TNR: variants seen among roughly 807,000 people sequenced by gnomAD.
TNR encodes the protein tenascin R, also known as tenascin-R.
A neutral mutation model predicts 150.4 loss-of-function variants in TNR; 45 were observed. That is an observed-to-expected ratio of 0.30 (90% CI 0.24 to 0.38). The LOEUF (loss-of-function observed/expected upper bound fraction) is 0.38. Ranked by LOEUF, TNR falls within the 10% of genes least tolerant of loss-of-function variation. TNR has a pLI of 1.00. For missense variants in TNR, 1,544 were observed against 1,759.1 expected, an observed-to-expected ratio of 0.88 and a Z score of 2.19; for synonymous variants, 687 against 678.4, an observed-to-expected ratio of 1.01 and a Z score of -0.20.
At chr1:175,561,723 G>A (rs570172351) in intron 1 of TNR, among the ~76,000 whole-genome samples, 164 of 152,352 alleles carry the variant, frequency 1.1e-3, no homozygotes, top group South Asian at 2.1e-3. Context: ...AATGATAGGA[G>A]TGCATCTAAG....
chr1:175,394,481 AT>A (rs973090723), intron 5 of TNR, among the ~76,000 whole-genome samples: 4 of 152,094 alleles, frequency 2.6e-5, no homozygotes, highest in African/African-American at 9.7e-5. Context: ...GATGGTCTGA[AT>A]TTTTCATTTC....
intron 1 of TNR, among the ~76,000 whole-genome samples, chr1:175,547,605 G>GAAAGAAAGAAAGAAAC (rs1660749355): frequency 1.8e-4 from 4 of 21,658 alleles, no homozygotes; most frequent in African/African-American, 3.3e-4. Flanking sequence ...AAGAAAGAAA[G>GAAAGAAAGAAAGAAAC]AAAGAAACAA....
chr1:175,351,975 T>C (rs1263249335), intron 18 of TNR, among the ~76,000 whole-genome samples: 1 of 152,128 alleles, frequency 6.6e-6, no homozygotes. Flanking sequence ...CCTAAATACA[T>C]CCTGATAGTC....
intron 2 of TNR, among the ~76,000 whole-genome samples, chr1:175,459,500 C>A (rs1656721422): frequency 6.6e-6 from 1 of 152,344 alleles, no homozygotes; most frequent in East Asian, 1.9e-4. Flanking sequence ...TGACTCTAAA[C>A]AAACCTATTG....
Position 175,322,948 on chromosome 1 carries a change from G to A in TNR, c.*409C>T, listed in dbSNP as rs1649141799. 6.4e-6 allele frequency: 1 copy of A among 155,354 alleles called. No homozygotes were observed. Among genetic ancestry groups the A allele is most frequent in the Non-Finnish European group, 1.4e-5 (1 of 70,342 alleles). The allele number at this position is 155,354 out of a possible 1,614,324, so 9.6% of individuals were successfully genotyped here. On this transcript the variant is annotated 3_prime_UTR_variant, in exon 23 of 23. Coordinates refer to ENST00000367674, the MANE Select transcript of TNR (RefSeq NM_003285.3). ...GGCTCTTTTCTCTGGGCCAGTGTGA[G>A]AACCTGGCCATGTCAGGCTGTGACA...
intron 1 of TNR, among the ~76,000 whole-genome samples, chr1:175,597,615 T>C (rs1027961746): frequency 1.3e-5 from 2 of 152,224 alleles, no homozygotes; most frequent in Non-Finnish European, 2.9e-5. Flanking sequence ...GGCTTGTCTA[T>C]ACCTGCTGAT....
At chr1:175,420,051 C>T (rs1450728764) in intron 2 of TNR, among the ~76,000 whole-genome samples, 1 of 152,194 alleles carries the variant, frequency 6.6e-6, no homozygotes, top group African/African-American at 2.4e-5. Flanking sequence ...CTCGGGCTGG[C>T]TGTGCCCCTT....
intron 18 of TNR, among the ~76,000 whole-genome samples, chr1:175,353,851 A>ATTTTTTTTTT (rs55981326): frequency 1.1e-4 from 16 of 146,138 alleles, no homozygotes; most frequent in African/African-American, 4.1e-4. Context: ...ATTTTTATTT[A>ATTTTTTTTTT]TTTTTTTTTT....
intron 20 of TNR, among the ~76,000 whole-genome samples, chr1:175,332,783 TC>T (rs916133553): frequency 1.3e-4 from 20 of 152,182 alleles, no homozygotes; most frequent in Non-Finnish European, 2.8e-4. Flanking sequence ...CTCAATGCCT[TC>T]TCCAGGAAGC....
chr1:175,396,892 C>T (rs1653454189), intron 4 of TNR, 85 bp from the exon 5 acceptor site: 2 of 1,518,224 alleles, frequency 1.3e-6, no homozygotes, highest in South Asian at 2.5e-5. Context: ...CACATCTCAC[C>T]CCCCATGCCA....
At chr1:175,677,148 C>A (rs56367429) in intron 1 of TNR, among the ~76,000 whole-genome samples, 11,856 of 152,222 alleles carry the variant, frequency 0.078, 560 homozygotes, top group African/African-American at 0.13. Flanking sequence ...GAAGGGCTGG[C>A]ATATAACTGG....
Position 175,622,026 on chromosome 1 carries a change from T to C in TNR, c.-164-93657A>G, listed in dbSNP as rs185591071. 8.5e-4 allele frequency among the ~76,000 whole-genome samples: 129 copies of C among 152,342 alleles called. No individual in the cohort carries two copies. The Middle Eastern group carries it at 0.02, about 24-fold the overall frequency. ...AATAACGTTATTCACTCTGTGAGGA[T>C]GTTAAGAGCATTGAGTGAGATAATC... On this transcript the variant is annotated intron_variant, in intron 1 of 22. Coordinates refer to ENST00000367674, the MANE Select transcript of TNR (RefSeq NM_003285.3).
At chr1:175,620,243 G>A (rs1005867240) in intron 1 of TNR, among the ~76,000 whole-genome samples, 1 of 152,186 alleles carries the variant, frequency 6.6e-6, no homozygotes, top group African/African-American at 2.4e-5. Context: ...TCAGAGCAAT[G>A]AGTGTGCACT....
In TNR at chr1:175,406,576, C is replaced by T. The variant is rs1368107505; in HGVS notation, c.139G>A (p.Glu47Lys). 6.2e-7 allele frequency: 1 copy of T among 1,614,214 alleles called. No homozygotes were observed. The highest frequency in any genetic ancestry group is 8.5e-7 in the Non-Finnish European group (1 of 1,180,038). Residue 47 changes from glutamate to lysine, a missense_variant, in exon 3 of 23, where the codon GAG becomes AAG. Coordinates refer to ENST00000367674, the MANE Select transcript of TNR (RefSeq NM_003285.3). The stretch of plus-strand genomic sequence containing the variant: ...TTGTAGTTGGCAATGCCTCCCTCCT[C>T]CTCCACTGACTGTCTCTGGACCCTT... ...TERVQRQSVE[E>K]EGGIANYNTS... is the part of the protein sequence containing the mutation.
intron 1 of TNR, among the ~76,000 whole-genome samples, chr1:175,696,989 T>A (rs1666549513): frequency 6.6e-6 from 1 of 152,086 alleles, no homozygotes; most frequent in East Asian, 1.9e-4. Context: ...TGGTTTGCCC[T>A]AGTTTACATT....
intron 1 of TNR, among the ~76,000 whole-genome samples, chr1:175,612,577 T>A (rs1002728658): frequency 2.6e-5 from 4 of 152,202 alleles, no homozygotes; most frequent in Non-Finnish European, 5.9e-5. Context: ...GAGAACTTGA[T>A]AGATTTTTAT....
chr1:175,735,252 T>C (rs1280275678), intron 1 of TNR, among the ~76,000 whole-genome samples: 1 of 152,124 alleles, frequency 6.6e-6, no homozygotes, highest in African/African-American at 2.4e-5. Flanking sequence ...CGCTGCCCTC[T>C]CCTCTGTCTG....
chr1:175,337,541 C>T lies in TNR; in HGVS notation c.3521G>A (p.Gly1174Glu). 3 of 1,613,314 alleles carry T rather than the reference C, an allele frequency of 1.9e-6. No individual in the cohort carries two copies. Among genetic ancestry groups the T allele is most frequent in the Non-Finnish European group, 2.5e-6 (3 of 1,180,010 alleles). The change falls in exon 19 of 23, where the codon GGG (glycine) becomes GAG (glutamate). Residue 1174 changes from glycine (G) to glutamate (E), a missense_variant. By Grantham distance (98) the Gly-to-Glu change is moderately conservative. This residue lies in a region of TNR where 290 missense variants were observed against 429.7 expected (regional missense o/e 0.67). Coordinates refer to ENST00000367674, the MANE Select transcript of TNR (RefSeq NM_003285.3). ...GATTGTACTTACAATCCAGCCGCCC[C>T]CGTCGGTGGTCATATCACAGTACAC... Reference protein sequence around the residue: ...LQVYCDMTTDGGGWIVFQRRQ... With the variant: ...LQVYCDMTTDEGGWIVFQRRQ...
At chr1:175,706,950 A>C (rs1666858903) in intron 1 of TNR, among the ~76,000 whole-genome samples, 1 of 152,140 alleles carries the variant, frequency 6.6e-6, no homozygotes, top group Non-Finnish European at 1.5e-5. Context: ...ACCCCCTTGC[A>C]CAGGTCAGAA....
Sources: allele counts gnomAD v4.1 joint callset (sites outside exome capture counted in the v4.1 genomes callset), GRCh38; gene constraint gnomAD v4.1.1; regional missense constraint gnomAD v4.1.1; transcripts MANE v1.5; gene names NCBI Gene and HGNC (gene_info 2026-07-23, HGNC 2026-07-21).